The following DLG2 variants were observed in gnomAD, a reference collection of about 807,000 sequenced individuals.
DLG2 encodes disks large homolog 2.
Under a neutral mutation model 132.5 loss-of-function variants are expected in DLG2, and 45 were observed. The observed-to-expected ratio is 0.34, with a 90% CI of 0.27 to 0.44. The LOEUF is 0.44. Among genes scored for constraint, DLG2 ranks in the 20% least tolerant of loss-of-function variants. DLG2 has a pLI of 1.00. For synonymous variants in DLG2, 424 were observed against 419.6 expected, an observed-to-expected ratio of 1.01 and a Z score of -0.13; for missense variants, 1,045 against 1,196.9, an observed-to-expected ratio of 0.87 and a Z score of 1.87.
At position 84,850,174 on chromosome 11, in the gene DLG2, C is replaced by T. The variant is rs558632884; in HGVS notation, c.357+261487G>A. Among the ~76,000 whole-genome samples, 8 of 152,170 alleles carry T rather than the reference C, an allele frequency of 5.3e-5. No homozygotes were observed. In the South Asian group the frequency reaches 8.3e-4, roughly 16 times the overall value. On this transcript the variant is annotated intron_variant, in intron 6 of 27. Transcript: ENST00000376104. ...TAATGCTGCTTGAAGATATATGTTG[C>T]CCTGTTACTGAATTCTGACCAATGG... is the stretch of plus-strand genomic sequence containing the variant.
intron 19 of DLG2, among the ~76,000 whole-genome samples, chr11:83,621,526 T>G (rs946009459): frequency 1.3e-5 from 2 of 152,108 alleles, no homozygotes; most frequent in Non-Finnish European, 2.9e-5. Flanking sequence ...TACTTAGCTT[T>G]TGAAAGATTT....
At chr11:83,755,800 C>T (rs1382373130) in intron 18 of DLG2, among the ~76,000 whole-genome samples, 2 of 151,162 alleles carry the variant, frequency 1.3e-5, no homozygotes, top group Non-Finnish European at 2.9e-5. Flanking sequence ...GGTTACTACG[C>T]AATTAAGGTT....
chr11:84,308,675 C>A (rs1000475747), intron 7 of DLG2, among the ~76,000 whole-genome samples: 1 of 152,054 alleles, frequency 6.6e-6, no homozygotes, highest in East Asian at 1.9e-4. Flanking sequence ...GGTCCCGAGC[C>A]CTGCCCCGCG....
chr11:84,119,261 A>C (rs1202770622), intron 9 of DLG2, among the ~76,000 whole-genome samples: 1 of 152,092 alleles, frequency 6.6e-6, no homozygotes, highest in Non-Finnish European at 1.5e-5. Context: ...CTTATTACCC[A>C]AATACCGCTA....
intron 4 of DLG2, among the ~76,000 whole-genome samples, chr11:85,203,466 G>A (rs1180468162): frequency 6.6e-6 from 1 of 151,790 alleles, no homozygotes; most frequent in African/African-American, 2.4e-5. Flanking sequence ...ATAAATTTCT[G>A]GACATATACA....
At chr11:84,014,910 G>C (rs561393715) in intron 11 of DLG2, among the ~76,000 whole-genome samples, 1 of 150,832 alleles carries the variant, frequency 6.6e-6, no homozygotes, top group Non-Finnish European at 1.5e-5. Context: ...CTCCACCCTC[G>C]AGAATGTTAC....
chr11:83,654,625 G>A (rs1022377306), intron 18 of DLG2, among the ~76,000 whole-genome samples: 1 of 152,126 alleles, frequency 6.6e-6, no homozygotes, highest in Non-Finnish European at 1.5e-5. Flanking sequence ...GTGTGTACTT[G>A]TTCTACTGGA....
chr11:83,581,797 T>A (rs531383548), intron 19 of DLG2, among the ~76,000 whole-genome samples: 1 of 152,256 alleles, frequency 6.6e-6, no homozygotes, highest in Non-Finnish European at 1.5e-5. Flanking sequence ...TTTCAAACAT[T>A]CCATTTTATT....
intron 11 of DLG2, among the ~76,000 whole-genome samples, chr11:84,045,626 C>T (rs2096226139): frequency 6.6e-6 from 1 of 151,604 alleles, no homozygotes; most frequent in Non-Finnish European, 1.5e-5. Context: ...AATTCACTCA[C>T]TATGGTCTGT....
intron 5 of DLG2, among the ~76,000 whole-genome samples, chr11:85,133,811 C>A (rs1289784522): frequency 1.3e-5 from 2 of 152,132 alleles, no homozygotes; most frequent in African/African-American, 4.8e-5. Flanking sequence ...ATTTTAACAG[C>A]CAAATGATTA....
At chr11:83,596,802 C>T (rs2057663748) in intron 19 of DLG2, among the ~76,000 whole-genome samples, 1 of 112,756 alleles carries the variant, frequency 8.9e-6, no homozygotes, top group Non-Finnish European at 1.8e-5. Flanking sequence ...TCCTGCTTAT[C>T]ATTTTTTCTT....
chr11:83,892,334 GATTA>G (rs1347356443), intron 15 of DLG2, among the ~76,000 whole-genome samples: 1 of 152,134 alleles, frequency 6.6e-6, no homozygotes, highest in Non-Finnish European at 1.5e-5. Flanking sequence ...TTTCCTCTGG[GATTA>G]ATTTTCTGAC....
intron 3 of DLG2, among the ~76,000 whole-genome samples, chr11:85,596,900 T>C (rs1479849941): frequency 6.6e-6 from 1 of 152,226 alleles, no homozygotes; most frequent in Non-Finnish European, 1.5e-5. Context: ...AAGAAAATTA[T>C]GTTTTGTTGT....
In DLG2 at chr11:85,553,577, G is replaced by T. The variant is rs545164592; in HGVS notation, c.40+45080C>A. ...TGCAGATGAAAAACTGATATTAATTGATTCTTACTGAAAGAGATTAAATGA... is the reference window on the plus strand; with the variant it reads ...TGCAGATGAAAAACTGATATTAATTTATTCTTACTGAAAGAGATTAAATGA... On this transcript the variant is annotated intron_variant, in intron 3 of 27. Coordinates refer to ENST00000376104, the MANE Select transcript of DLG2 (RefSeq NM_001142699.3). 1.2e-3 allele frequency among the ~76,000 whole-genome samples: 182 copies of T among 151,288 alleles called. 2 individuals carry two copies. Among genetic ancestry groups the T allele is most frequent in the African/African-American group, 4.2e-3 (174 of 41,410 alleles).
At chr11:83,775,047 A>T (rs2094531109) in intron 18 of DLG2, among the ~76,000 whole-genome samples, 1 of 152,022 alleles carries the variant, frequency 6.6e-6, no homozygotes, top group Admixed American at 6.6e-5. Flanking sequence ...GAGAAAGAAG[A>T]CATACTCTCC....
intron 15 of DLG2, among the ~76,000 whole-genome samples, chr11:83,875,413 G>C (rs2064506200): frequency 6.6e-6 from 1 of 152,144 alleles, no homozygotes; most frequent in Non-Finnish European, 1.5e-5. Flanking sequence ...GAGAGGATTA[G>C]AAAGTTGCTC....
intron 7 of DLG2, among the ~76,000 whole-genome samples, chr11:84,288,783 C>A (rs902330587): frequency 6.6e-6 from 1 of 152,050 alleles, no homozygotes; most frequent in African/African-American, 2.4e-5. Context: ...TGGATTCCAC[C>A]AAAATAGGCC....
intron 13 of DLG2, 144 bp downstream of exon 13, chr11:83,965,180 G>T: frequency 1.2e-6 from 1 of 833,898 alleles, no homozygotes. Flanking sequence ...GGCAACATAG[G>T]AGTGGAGTTT....
At chr11:84,335,155 GA>G (rs2098477944) in intron 7 of DLG2, among the ~76,000 whole-genome samples, 1 of 9,406 alleles carries the variant, frequency 1.1e-4, no homozygotes. Context: ...AAGCAATAAA[GA>G]AAGCAAAAAA....
Sources: gnomAD v4.1 joint callset for allele counts (sites outside exome capture counted in the v4.1 genomes callset) on GRCh38, gnomAD v4.1.1 for gene constraint, MANE v1.5 for transcripts, NCBI Gene and HGNC (gene_info 2026-07-23, HGNC 2026-07-21) for gene names.